MSN: variants seen among roughly 807,000 people sequenced by gnomAD.
MSN encodes moesin.
In MSN, 2 loss-of-function variants were observed where a neutral mutation model predicts 48.0. The observed-to-expected ratio is 0.04, with a 90% CI of 0.02 to 0.13. The LOEUF is 0.13. MSN is among the 10% of genes least tolerant of loss of function. MSN has a pLI of 1.00. For synonymous variants in MSN, 146 were observed against 166.9 expected (o/e 0.87, Z 0.97); for missense variants, 267 against 470.1 (o/e 0.57, Z 3.99).
chrX:65,649,056 C>T (rs2070718314), intron 1 of MSN, among the ~76,000 whole-genome samples: 1 of 108,924 alleles, frequency 9.2e-6, no homozygotes, highest in Non-Finnish European at 1.9e-5. Context: ...ATCCTGTGAC[C>T]TTTCTACTCA....
At chrX:65,664,511 T>C (rs1425014205), upstream of MSN, among the ~76,000 whole-genome samples, 1 of 111,866 alleles carries the variant, frequency 8.9e-6, no homozygotes, top group Non-Finnish European at 1.9e-5. Context: ...GCTCTTTGTC[T>C]TCTGTACATT....
At chrX:65,693,812 G>C (rs1473422566) in intron 1 of MSN, among the ~76,000 whole-genome samples, 2 of 111,980 alleles carry the variant, frequency 1.8e-5, no homozygotes, top group African/African-American at 6.5e-5. Context: ...CCAGCACTTT[G>C]GGAGGCCGAG....
At chrX:65,610,048 T>C (rs2148354249) in intron 1 of MSN, among the ~76,000 whole-genome samples, 1 of 112,186 alleles carries the variant, frequency 8.9e-6, no homozygotes, top group African/African-American at 3.2e-5. Flanking sequence ...ATATTTATTG[T>C]ACCCGTTATT....
intron 1 of MSN, among the ~76,000 whole-genome samples, chrX:65,698,669 C>T (rs766747329): frequency 1.8e-5 from 2 of 112,105 alleles, no homozygotes; most frequent in Non-Finnish European, 3.8e-5. Flanking sequence ...GGTGGGGCGC[C>T]GGCCTTCCTG....
chrX:65,598,498 C>T (rs1396712756), intron 1 of MSN, among the ~76,000 whole-genome samples: 1 of 111,134 alleles, frequency 9.0e-6, no homozygotes, highest in Non-Finnish European at 1.9e-5. Context: ...GTGGACATAC[C>T]TAGTCCCAGG....
intron 1 of MSN, among the ~76,000 whole-genome samples, chrX:65,646,205 C>T (rs963540795): frequency 8.9e-6 from 1 of 111,976 alleles, no homozygotes; most frequent in African/African-American, 3.2e-5. Context: ...TTGCATGTGA[C>T]CTGTGGCTTC....
At chrX:65,626,933 C>T (rs762910688) in intron 1 of MSN, among the ~76,000 whole-genome samples, 3 of 112,022 alleles carry the variant, frequency 2.7e-5, no homozygotes, top group Non-Finnish European at 5.6e-5. Flanking sequence ...CAGGGTCCCA[C>T]ACTGGGAACA....
chrX:65,660,117 G>C (rs1332997672), intron 1 of MSN, among the ~76,000 whole-genome samples: 1 of 111,923 alleles, frequency 8.9e-6, no homozygotes, highest in Non-Finnish European at 1.9e-5. Context: ...GGGCGTAACT[G>C]AGATGAGTCC....
chrX:65,603,920 G>T (rs755724112), intron 1 of MSN, among the ~76,000 whole-genome samples: 2 of 111,921 alleles, frequency 1.8e-5, no homozygotes, highest in African/African-American at 6.5e-5. Context: ...GACAGAAGGG[G>T]ACATATTTGA....
chrX:65,734,642 G>A (rs903683763), intron 7 of MSN, among the ~76,000 whole-genome samples: 1 of 112,030 alleles, frequency 8.9e-6, no homozygotes, highest in Non-Finnish European at 1.9e-5. Flanking sequence ...TTGCTGCTGT[G>A]CTCAACTATT....
intron 1 of MSN, among the ~76,000 whole-genome samples, chrX:65,714,678 A>T (rs1455471781): frequency 2.7e-5 from 3 of 111,088 alleles, no homozygotes; most frequent in African/African-American, 6.6e-5. Flanking sequence ...TTTCTTGTAA[A>T]TTTGTTAAAG....
intron 1 of MSN, among the ~76,000 whole-genome samples, chrX:65,659,414 A>T (rs1220360920): frequency 2.7e-5 from 3 of 111,784 alleles, no homozygotes; most frequent in African/African-American, 9.8e-5. Context: ...TCGGCCTCCC[A>T]AAGTGTTGGG....
rs758306282 is a variant in MSN, at chrX:65,619,714, A to G, written c.-22+31102A>G. On this transcript the variant is annotated intron_variant, in intron 1 of 3. Transcript: ENST00000609672. ...AAGCCTTCTTCTCTCAGCTCGTCAA[A>G]GTCATTCTCCATCCAGCTTTGTTCC... 8.6e-4 allele frequency among the ~76,000 whole-genome samples: 94 copies of G among 108,898 alleles called. 1 individual carries two copies. In the South Asian group the frequency reaches 0.034, roughly 40 times the overall value. 94.6% of individuals were successfully genotyped at this position (108,898 alleles called of 115,157 possible).
At chrX:65,691,541 G>A (rs1418787776) in intron 1 of MSN, among the ~76,000 whole-genome samples, 1 of 110,714 alleles carries the variant, frequency 9.0e-6, no homozygotes. Flanking sequence ...TTTTGCTCTT[G>A]TTGCCCAGGC....
At chrX:65,716,462 G>A (rs1479705781) in intron 1 of MSN, 1 of 268,840 alleles carries the variant, frequency 3.7e-6, no homozygotes. Context: ...TTTTAGTAGA[G>A]ATGGGGTTTT....
chrX:65,705,645 C>T (rs926754478), intron 1 of MSN, among the ~76,000 whole-genome samples: 26 of 111,930 alleles, frequency 2.3e-4, no homozygotes, highest in Admixed American at 9.5e-5. Context: ...CAATTTTCAC[C>T]TCTGACCTGA....
At chrX:65,649,527 G>C (rs1383952289) in intron 1 of MSN, among the ~76,000 whole-genome samples, 1 of 101,297 alleles carries the variant, frequency 9.9e-6, no homozygotes, top group Non-Finnish European at 2.0e-5. Flanking sequence ...AGTGAGCCGA[G>C]ATCATGCCAC....
intron 1 of MSN, among the ~76,000 whole-genome samples, chrX:65,693,088 C>G (rs1422010487): frequency 8.9e-6 from 1 of 112,003 alleles, no homozygotes; most frequent in Non-Finnish European, 1.9e-5. Flanking sequence ...TTATAGTCAC[C>G]TCTTTCCTGA....
intron 1 of MSN, among the ~76,000 whole-genome samples, chrX:65,633,930 C>G (rs2070578325): frequency 9.0e-6 from 1 of 111,643 alleles, no homozygotes; most frequent in South Asian, 3.8e-4. Context: ...AGTTCAAGAG[C>G]AGAGTATGGC....
Sources: allele counts gnomAD v4.1 joint callset (sites outside exome capture counted in the v4.1 genomes callset), GRCh38; gene constraint gnomAD v4.1.1; transcripts MANE v1.5; gene names NCBI Gene and HGNC (gene_info 2026-07-23, HGNC 2026-07-21).